ITPRID1: variants seen among roughly 807,000 people sequenced by gnomAD.
The protein encoded by ITPRID1 is protein ITPRID1.
A neutral mutation model predicts 95.4 loss-of-function variants in ITPRID1; 96 were observed. That is an observed-to-expected ratio of 1.01 (90% CI 0.85 to 1.19). ITPRID1 has a LOEUF of 1.19. Ranked by LOEUF, ITPRID1 falls within the 50% of genes most tolerant of loss-of-function variation. The pLI, the probability that ITPRID1 is intolerant of heterozygous loss-of-function variation, is 0.00. For synonymous variants in ITPRID1, 510 were observed against 453.6 expected (o/e 1.12, Z -1.58); for missense variants, 1,339 against 1,252.9 (o/e 1.07, Z -1.04).
chr7:31,596,410 GA>G (rs1786090739), intron 10 of ITPRID1, among the ~76,000 whole-genome samples: 1 of 151,094 alleles, frequency 6.6e-6, no homozygotes, highest in African/African-American at 2.4e-5. Context: ...AAAAATCTCA[GA>G]AAATTGATAC....
intron 10 of ITPRID1, among the ~76,000 whole-genome samples, chr7:31,621,492 T>C (rs1178732658): frequency 7.1e-6 from 1 of 141,684 alleles, no homozygotes; most frequent in African/African-American, 2.7e-5. Context: ...CAGAATTTCA[T>C]ATCCAGCCAA....
At chr7:31,593,107 C>T (rs747271335) in intron 10 of ITPRID1, among the ~76,000 whole-genome samples, 18 of 152,070 alleles carry the variant, frequency 1.2e-4, no homozygotes, top group Non-Finnish European at 1.8e-4. Flanking sequence ...GAGTTCGAGA[C>T]CAGCCTGGCC....
chr7:31,542,394 G>A (rs1312928541), intron 1 of ITPRID1, among the ~76,000 whole-genome samples: 6 of 151,956 alleles, frequency 3.9e-5, no homozygotes, highest in Non-Finnish European at 7.4e-5. Flanking sequence ...ATTTTTTTAC[G>A]ACTTACACAA....
rs771841404 is a variant in ITPRID1, at chr7:31,654,706, G to A, written c.*1877G>A. On this transcript the variant is annotated 3_prime_UTR_variant, in exon 15 of 15. Transcript: ENST00000615280. ...AGGCACTGGGTCTCTAAGGAATGGG[G>A]AATAGATGCAGAATGGAATAGGAAA... Among the ~76,000 whole-genome samples, 28 of 152,294 alleles carry A rather than the reference G, an allele frequency of 1.8e-4. 1 individual carries two copies. In the South Asian group the frequency reaches 5.8e-3, roughly 32 times the overall value.
chr7:31,515,765 G>A (rs780758916), intron 1 of ITPRID1, among the ~76,000 whole-genome samples: 1 of 152,134 alleles, frequency 6.6e-6, no homozygotes, highest in Non-Finnish European at 1.5e-5. Flanking sequence ...TGTTTAAAAT[G>A]TTTGCAATGA....
chr7:31,528,243 G>T (rs1426542020), intron 1 of ITPRID1, among the ~76,000 whole-genome samples: 1 of 152,086 alleles, frequency 6.6e-6, no homozygotes, highest in Non-Finnish European at 1.5e-5. Flanking sequence ...TCAAAGTATG[G>T]GTAATTGAGG....
rs1562663842 is a variant in ITPRID1, at chr7:31,652,664, C to T, written c.2970C>T (p.Gly990=). The change falls in exon 15 of 15, where the codon GGC becomes GGT. Residue 990 remains glycine (G), a synonymous_variant. Transcript: ENST00000615280. Reference sequence around the variant, plus strand: ...GGACTGTGTTTCCTCCCGATGATGGCCAGGAGGCTCCCTGTTCAGGTGGGA... The same window carrying T: ...GGACTGTGTTTCCTCCCGATGATGGTCAGGAGGCTCCCTGTTCAGGTGGGA... The part of the protein sequence containing the change: ...APRTVFPPDD[G]QEAPCSGGTQ... 1 of 1,613,890 alleles carries T rather than the reference C, an allele frequency of 6.2e-7. No homozygotes were observed. The highest frequency in any genetic ancestry group is 8.5e-7 in the Non-Finnish European group (1 of 1,179,852).
At position 31,652,538 on chromosome 7, in the gene ITPRID1, A is replaced by G; in HGVS notation, c.2844A>G (p.Ala948=). Residue 948 remains alanine (A), a synonymous_variant, in exon 15 of 15, where the codon GCA becomes GCG. Transcript: ENST00000615280. Reference sequence around the variant, plus strand: ...TTTAGCAGCTGGAGGTTCTCACAGCAGAGCCACCTGAACACTATTCAAATC... The same window carrying G: ...TTTAGCAGCTGGAGGTTCTCACAGCGGAGCCACCTGAACACTATTCAAATC... ...GILLQLEVLT[A]EPPEHYSNLH... 1 of 1,603,368 alleles carries G rather than the reference A, an allele frequency of 6.2e-7. No homozygotes were observed. Among genetic ancestry groups the G allele is most frequent in the Non-Finnish European group, 8.5e-7 (1 of 1,174,230 alleles).
chr7:31,537,108 T>C (rs1313389408), intron 1 of ITPRID1, among the ~76,000 whole-genome samples: 1 of 150,994 alleles, frequency 6.6e-6, no homozygotes, highest in Non-Finnish European at 1.5e-5. Flanking sequence ...TGTGTGTGTG[T>C]GTGTGTGTGT....
At chr7:31,612,276 C>T (rs1442546964) in intron 10 of ITPRID1, among the ~76,000 whole-genome samples, 1 of 152,012 alleles carries the variant, frequency 6.6e-6, no homozygotes, top group Admixed American at 6.6e-5. Flanking sequence ...TTATTTTGAA[C>T]AATATATAAT....
chr7:31,599,585 TTTTCTTTCTTTCTTTC>T lies in ITPRID1; in HGVS notation c.1228+16442_1228+16457del, dbSNP rs527461356. Among the ~76,000 whole-genome samples, 226 of 112,906 alleles carry T rather than the reference TTTTCTTTCTTTCTTTC, an allele frequency of 2.0e-3. 3 individuals carry two copies. The highest frequency in any genetic ancestry group is 2.6e-3 in the African/African-American group (76 of 29,326). The allele number at this position is 112,906 out of a possible 152,430, so 74.1% of individuals were successfully genotyped here. A position where few individuals can be genotyped will look rare whatever the true frequency, so the allele number is the denominator to read the frequency against. On this transcript the variant is annotated intron_variant, in intron 10 of 14. Transcript: ENST00000615280. Reference sequence around the variant, plus strand: ...TGAAGAATATGTATTTGTTGTGTTATTTTCTTTCTTTCTTTCTTTCTTTCTTTCTTTCTTTCTTTCT... The same window carrying T: ...TGAAGAATATGTATTTGTTGTGTTATTTTCTTTCTTTCTTTCTTTCTTTCT...
At chr7:31,658,718 T>G (rs1397168882), downstream of ITPRID1, 1 of 161,964 alleles carries the variant, frequency 6.2e-6, no homozygotes, top group Non-Finnish European at 1.3e-5. Context: ...TTGCCTGATC[T>G]TAAAACATTG....
chr7:31,551,199 ACT>A (rs1784275377), intron 2 of ITPRID1, among the ~76,000 whole-genome samples: 1 of 143,626 alleles, frequency 7.0e-6, no homozygotes, highest in South Asian at 2.3e-4. Context: ...GAAATTTTGC[ACT>A]GTCAGTGTCG....
In ITPRID1 at chr7:31,642,263, G is replaced by A; in HGVS notation, c.1311+5G>A. The A allele has an allele frequency of 6.5e-7, 1 of 1,546,394 alleles. No homozygotes were observed. The highest frequency in any genetic ancestry group is 8.7e-7 in the Non-Finnish European group (1 of 1,143,494). On this transcript the variant is annotated splice_donor_5th_base_variant and intron_variant, in intron 11 of 14. Coordinates refer to ENST00000615280, the MANE Select transcript of ITPRID1 (RefSeq NM_001257967.3). ...CTGGAACCGCTGCCCCTCCAGGTAG[G>A]AGGGTTTGGAACAGGGCCCTGTTGC...
intron 1 of ITPRID1, among the ~76,000 whole-genome samples, chr7:31,537,151 A>G (rs1384301781): frequency 4.7e-5 from 7 of 149,504 alleles, no homozygotes; most frequent in African/African-American, 1.7e-4. Flanking sequence ...TTCCAAAGAC[A>G]CTGCCTGTTG....
In ITPRID1 at chr7:31,530,813, A is replaced by G. The variant is rs1458575204; in HGVS notation, c.-98+16693A>G. ...AAGTCCAGAGTTCATTGTTTGTTTC[A>G]TAATGTTAACACATGAGTTAATCAG... is the stretch of plus-strand genomic sequence containing the variant. On this transcript the variant is annotated intron_variant, in intron 1 of 14. Transcript: ENST00000615280. Among the ~76,000 whole-genome samples, 5 of 124,202 alleles carry G rather than the reference A, an allele frequency of 4.0e-5. No homozygotes were observed. In the Admixed American group the frequency reaches 4.1e-4, roughly 10 times the overall value. The allele number at this position is 124,202 out of a possible 152,430, so 81.5% of individuals were successfully genotyped here.
intron 10 of ITPRID1, among the ~76,000 whole-genome samples, chr7:31,584,681 AT>A: frequency 6.6e-6 from 1 of 152,374 alleles, no homozygotes; most frequent in Non-Finnish European, 1.5e-5. Flanking sequence ...ACTTTCAAAA[AT>A]AGTGTTGTTA....
chr7:31,597,161 G>C (rs11978765), intron 10 of ITPRID1, among the ~76,000 whole-genome samples: 21,242 of 151,852 alleles, frequency 0.14, 1,713 homozygotes, highest in African/African-American at 0.2. Context: ...CTAATTAGAG[G>C]CATCTATCAA....
rs1262576557 is a variant in ITPRID1 at position 31,643,532 on chromosome 7, A to T, written c.2162A>T (p.Gln721Leu). 1 of 1,614,036 alleles carries T rather than the reference A, an allele frequency of 6.2e-7. No individual in the cohort carries two copies. Among genetic ancestry groups the T allele is most frequent in the Non-Finnish European group, 8.5e-7 (1 of 1,179,898 alleles). Residue 721 changes from glutamine to leucine, a missense_variant, in exon 12 of 15, where the codon CAG (glutamine) becomes CTG (leucine). Coordinates refer to ENST00000615280, the MANE Select transcript of ITPRID1 (RefSeq NM_001257967.3). ...QMSSSLVSAA[Q>L]RAVALGTGPR... is the part of the protein sequence containing the mutation. ...TCCTCCAGCCTGGTGTCGGCTGCTC[A>T]GAGGGCTGTGGCCTTGGGGACTGGT... is the stretch of plus-strand genomic sequence containing the variant.
Sources: gnomAD v4.1 joint callset for allele counts (sites outside exome capture counted in the v4.1 genomes callset) on GRCh38, gnomAD v4.1.1 for gene constraint, MANE v1.5 for transcripts, NCBI Gene and HGNC (gene_info 2026-07-23, HGNC 2026-07-21) for gene names.